PRIM2: variants seen among roughly 807,000 people sequenced by gnomAD.
PRIM2 encodes DNA primase subunit 2, also known as DNA primase large subunit.
In PRIM2, 39 loss-of-function variants were observed where a neutral mutation model predicts 67.3. The observed-to-expected ratio is 0.58, with a 90% CI of 0.45 to 0.76. The LOEUF (loss-of-function observed/expected upper bound fraction) is 0.76, where lower values mean the gene tolerates loss of function less well. Ranked by LOEUF, PRIM2 falls within the 30% of genes least tolerant of loss-of-function variation. PRIM2 has a pLI of 0.00. For missense variants in PRIM2, 398 were observed against 598.7 expected (o/e 0.66, Z 3.50); for synonymous variants, 143 against 198.7 (o/e 0.72, Z 2.36).
chr6:57,253,483 T>C, the PRIM2 span, among the ~76,000 whole-genome samples: 1 of 152,092 alleles, frequency 6.6e-6, no homozygotes, highest in Non-Finnish European at 1.5e-5. Context: ...AACTGGAAAA[T>C]CATTAGTCCA....
At chr6:57,339,857 G>C (rs1298340961) in intron 5 of PRIM2, among the ~76,000 whole-genome samples, 1 of 151,858 alleles carries the variant, frequency 6.6e-6, no homozygotes, top group Non-Finnish European at 1.5e-5. Context: ...TTGACAAATG[G>C]GATCTAATTA....
At chr6:57,383,621 TC>T (rs896517002) in intron 7 of PRIM2, 1 of 151,626 alleles carries the variant, frequency 6.6e-6, no homozygotes, top group Non-Finnish European at 1.5e-5. Context: ...AGTCTTTTTT[TC>T]CCCCCTCTGG....
At chr6:57,354,881 C>T (rs1208182414) in intron 5 of PRIM2, among the ~76,000 whole-genome samples, 1 of 152,238 alleles carries the variant, frequency 6.6e-6, no homozygotes, top group African/African-American at 2.4e-5. Context: ...ATTCTGTAGT[C>T]ATACCTTTGT....
the PRIM2 span, among the ~76,000 whole-genome samples, chr6:57,299,905 G>A: frequency 6.6e-6 from 1 of 152,144 alleles, no homozygotes; most frequent in Non-Finnish European, 1.5e-5. Context: ...AGGCAGTGGA[G>A]GTGGTGGTTT....
At chr6:57,454,466 G>T (rs546818626) in intron 7 of PRIM2, among the ~76,000 whole-genome samples, 90 of 152,184 alleles carry the variant, frequency 5.9e-4, no homozygotes, top group Admixed American at 1.8e-3. Context: ...CAATTTCAGA[G>T]CCTGTTATTG....
chr6:57,342,719 A>G (rs4992406), intron 5 of PRIM2, among the ~76,000 whole-genome samples: 339 of 152,304 alleles, frequency 2.2e-3, no homozygotes, highest in Non-Finnish European at 4.1e-3. Flanking sequence ...TGATGACTCT[A>G]CCTCATATTA....
At chr6:57,374,537 C>T (rs1769688278) in intron 5 of PRIM2, among the ~76,000 whole-genome samples, 1 of 150,836 alleles carries the variant, frequency 6.6e-6, no homozygotes. Flanking sequence ...CGTGATCCGC[C>T]CGTCTCGGCC....
chr6:57,546,913 T>C (rs1206544199), intron 10 of PRIM2, among the ~76,000 whole-genome samples: 1 of 152,204 alleles, frequency 6.6e-6, no homozygotes, highest in Non-Finnish European at 1.5e-5. Context: ...AATATTGATA[T>C]ATTTAAAATG....
chr6:57,432,457 A>G (rs1482417822), intron 7 of PRIM2, among the ~76,000 whole-genome samples: 1 of 152,190 alleles, frequency 6.6e-6, no homozygotes, highest in Non-Finnish European at 1.5e-5. Context: ...AAAAGAGTGG[A>G]CACTTAATAG....
the PRIM2 span, among the ~76,000 whole-genome samples, chr6:57,249,066 T>C: frequency 6.6e-6 from 1 of 152,190 alleles, no homozygotes; most frequent in Non-Finnish European, 1.5e-5. Flanking sequence ...TTAGTTAGCT[T>C]TGAACCATGA....
At chr6:57,543,699 C>T (rs1383782958) in intron 10 of PRIM2, among the ~76,000 whole-genome samples, 31 of 152,254 alleles carry the variant, frequency 2.0e-4, no homozygotes, top group Non-Finnish European at 2.9e-4. Flanking sequence ...ACTGCCTGAT[C>T]GGTATCTGTC....
At chr6:57,235,244 C>T in the PRIM2 span, among the ~76,000 whole-genome samples, 100 of 152,184 alleles carry the variant, frequency 6.6e-4, no homozygotes, top group African/African-American at 2.3e-3. Context: ...AAGCAGATCA[C>T]GTGAGATCAG....
chr6:57,587,664 C>CAAAAAAAAAAAAAA (rs1157172882), intron 10 of PRIM2, among the ~76,000 whole-genome samples: 1 of 54,236 alleles, frequency 1.8e-5, no homozygotes, highest in African/African-American at 7.7e-5. Flanking sequence ...GACTCTGTCT[C>CAAAAAAAAAAAAAA]AAAAAAAAAA....
chr6:57,463,503 A>C (rs1380913509), intron 7 of PRIM2, among the ~76,000 whole-genome samples: 2 of 152,286 alleles, frequency 1.3e-5, no homozygotes, highest in South Asian at 2.1e-4. Context: ...AAAACAAAAC[A>C]AAACCAAGAA....
At chr6:57,505,550 T>A (rs1774232863) in intron 7 of PRIM2, among the ~76,000 whole-genome samples, 1 of 152,202 alleles carries the variant, frequency 6.6e-6, no homozygotes, top group Non-Finnish European at 1.5e-5. Flanking sequence ...ATGTAATAAC[T>A]TTACCCTGGG....
intron 13 of PRIM2, among the ~76,000 whole-genome samples, chr6:57,637,797 G>A (rs1174456746): frequency 5.6e-4 from 85 of 152,150 alleles, no homozygotes; most frequent in African/African-American, 1.7e-3. Context: ...GAAAGTGACC[G>A]GGAGAATGGA....
intron 5 of PRIM2, among the ~76,000 whole-genome samples, chr6:57,326,951 GA>G (rs1767886515): frequency 6.9e-6 from 1 of 145,544 alleles, no homozygotes; most frequent in Admixed American, 7.0e-5. Context: ...ATCCAGGCTG[GA>G]ATATGCAGTG....
intron 7 of PRIM2, among the ~76,000 whole-genome samples, chr6:57,488,216 G>A (rs1773798007): frequency 6.6e-6 from 1 of 152,074 alleles, no homozygotes; most frequent in South Asian, 2.1e-4. Flanking sequence ...ACTACAATCA[G>A]AGCATGCATA....
At chr6:57,403,282 A>G (rs1400642851) in intron 7 of PRIM2, among the ~76,000 whole-genome samples, 2 of 132,948 alleles carry the variant, frequency 1.5e-5, no homozygotes, top group Non-Finnish European at 3.1e-5. Context: ...TTGGAGATCC[A>G]GTCTCGCTCT....
Sources: gnomAD v4.1 joint callset for allele counts (sites outside exome capture counted in the v4.1 genomes callset) on GRCh38, gnomAD v4.1.1 for gene constraint, MANE v1.5 for transcripts, NCBI Gene and HGNC (gene_info 2026-07-23, HGNC 2026-07-21) for gene names.